KCNQ5: variants seen among roughly 807,000 people sequenced by gnomAD.
KCNQ5 encodes the protein potassium voltage-gated channel subfamily KQT member 5.
KCNQ5 carries 30 observed loss-of-function variants against 98.2 expected under a neutral mutation model. That is an observed-to-expected ratio of 0.31 (90% CI 0.23 to 0.41). The LOEUF (loss-of-function observed/expected upper bound fraction) is 0.41, where lower values mean the gene tolerates loss of function less well. KCNQ5 is among the 10% of genes least tolerant of loss of function. The pLI is 1.00. For missense variants in KCNQ5, 835 were observed against 1,182.5 expected (o/e 0.71, Z 4.31); for synonymous variants, 458 against 449.4 (o/e 1.02, Z -0.24).
intron 1 of KCNQ5, among the ~76,000 whole-genome samples, chr6:72,875,698 A>T (rs1162755545): frequency 1.3e-5 from 2 of 152,090 alleles, no homozygotes; most frequent in Non-Finnish European, 2.9e-5. Flanking sequence ...CACTATTTCT[A>T]TTGGTCCCTT....
At chr6:72,856,703 TA>T in intron 1 of KCNQ5, among the ~76,000 whole-genome samples, 1 of 152,338 alleles carries the variant, frequency 6.6e-6, no homozygotes, top group East Asian at 1.9e-4. Flanking sequence ...AATAATTCTT[TA>T]AAAAATTATC....
chr6:72,630,444 AT>A (rs1366445964), intron 1 of KCNQ5: 2 of 152,186 alleles, frequency 1.3e-5, no homozygotes, highest in African/African-American at 2.4e-5. Context: ...TTAGTTTAAC[AT>A]TTGCTTAACA....
intron 1 of KCNQ5, among the ~76,000 whole-genome samples, chr6:72,713,511 T>G (rs1259141936): frequency 6.6e-6 from 1 of 152,196 alleles, no homozygotes; most frequent in Non-Finnish European, 1.5e-5. Flanking sequence ...TAGAATGATT[T>G]GCGTTTTCCC....
intron 11 of KCNQ5, among the ~76,000 whole-genome samples, chr6:73,178,704 G>T (rs1439998991): frequency 6.6e-6 from 1 of 152,080 alleles, no homozygotes; most frequent in East Asian, 1.9e-4. Flanking sequence ...GACTCCTGGG[G>T]TTCCTTGGTC....
chr6:73,073,602 A>T (rs900779250), intron 3 of KCNQ5, among the ~76,000 whole-genome samples: 1 of 152,230 alleles, frequency 6.6e-6, no homozygotes, highest in Admixed American at 6.5e-5. Flanking sequence ...TAGGGACTTG[A>T]TCAATAATTG....
intron 1 of KCNQ5, among the ~76,000 whole-genome samples, chr6:72,700,793 C>A (rs1031720882): frequency 6.6e-6 from 1 of 152,202 alleles, no homozygotes; most frequent in Non-Finnish European, 1.5e-5. Flanking sequence ...ACAGCCTCTT[C>A]CATTCCATCC....
intron 5 of KCNQ5, among the ~76,000 whole-genome samples, chr6:73,080,619 A>G (rs1215336251): frequency 6.6e-6 from 1 of 152,208 alleles, no homozygotes. Context: ...CTTAGTTAAA[A>G]TTGCGCATGT....
chr6:72,837,902 C>T (rs1238284136), intron 1 of KCNQ5, among the ~76,000 whole-genome samples: 2 of 151,758 alleles, frequency 1.3e-5, no homozygotes, highest in East Asian at 1.9e-4. Context: ...AAATAGAAAC[C>T]TGATAGTATA....
intron 10 of KCNQ5, chr6:73,157,749 A>G: frequency 1.3e-6 from 1 of 778,304 alleles, no homozygotes; most frequent in South Asian, 1.3e-5. Context: ...CGATGAAGTA[A>G]GTGTGCTCCT....
chr6:73,157,268 C>A (rs1777399090), intron 10 of KCNQ5, among the ~76,000 whole-genome samples: 1 of 152,154 alleles, frequency 6.6e-6, no homozygotes, highest in Admixed American at 6.5e-5. Flanking sequence ...AGCGCCTCAG[C>A]GAGAAGGTCC....
At chr6:72,928,068 T>C (rs904709438) in intron 1 of KCNQ5, among the ~76,000 whole-genome samples, 2 of 152,080 alleles carry the variant, frequency 1.3e-5, no homozygotes, top group East Asian at 3.9e-4. Flanking sequence ...TGAGAACTCT[T>C]TAAGCAACAA....
chr6:73,165,061 G>T (rs565563857), intron 10 of KCNQ5, among the ~76,000 whole-genome samples: 1 of 151,874 alleles, frequency 6.6e-6, no homozygotes, highest in Non-Finnish European at 1.5e-5. Context: ...TAACTGTACC[G>T]TTGAACTCCT....
At chr6:72,745,560 T>A (rs538772055) in intron 1 of KCNQ5, among the ~76,000 whole-genome samples, 19 of 152,186 alleles carry the variant, frequency 1.2e-4, no homozygotes, top group Non-Finnish European at 2.4e-4. Context: ...TCAAACTCAG[T>A]TTATATTTTT....
At chr6:72,800,414 G>A (rs1378410030) in intron 1 of KCNQ5, among the ~76,000 whole-genome samples, 1 of 152,204 alleles carries the variant, frequency 6.6e-6, no homozygotes, top group Non-Finnish European at 1.5e-5. Context: ...TATTTGCGTA[G>A]AGGTGTTTGT....
Position 73,195,047 on chromosome 6 carries a change from G to T in KCNQ5, c.2432G>T (p.Gly811Val). ...DRSMRKSFDM[G>V]GETLLSVCPM... ...TCTATGAGGAAAAGCTTTGACATGG[G>T]AGGAGAAACTCTGTTGTCTGTCTGT... The change falls in exon 14 of 14, where the codon GGA becomes GTA. Residue 811 changes from glycine (G) to valine (V), a missense_variant. This residue lies in a region of KCNQ5 where 416 missense variants were observed against 446.9 expected (regional missense o/e 0.93). Coordinates refer to ENST00000370398, the MANE Select transcript of KCNQ5 (RefSeq NM_019842.4). 1.2e-6 allele frequency: 2 copies of T among 1,614,170 alleles called. No homozygotes were observed. The highest frequency in any genetic ancestry group is 1.1e-5 in the South Asian group (1 of 91,076).
chr6:73,008,172 A>G (rs938030469), intron 2 of KCNQ5, among the ~76,000 whole-genome samples: 4 of 152,184 alleles, frequency 2.6e-5, no homozygotes, highest in Admixed American at 6.5e-5. Context: ...CTAAACACAA[A>G]AGAAGGTAGC....
At chr6:72,892,003 T>C (rs1377379166) in intron 1 of KCNQ5, among the ~76,000 whole-genome samples, 1 of 152,152 alleles carries the variant, frequency 6.6e-6, no homozygotes, top group African/African-American at 2.4e-5. Context: ...ATTTTTACTG[T>C]GTGTAATGGT....
intron 7 of KCNQ5, 118 bp from the exon 8 acceptor site, chr6:73,120,365 C>A: frequency 1.6e-6 from 1 of 626,064 alleles, no homozygotes; most frequent in Non-Finnish European, 2.6e-6. Context: ...TTTATCAGGG[C>A]TAAGTATAAG....
At chr6:72,854,942 T>C (rs892067587) in intron 1 of KCNQ5, among the ~76,000 whole-genome samples, 2 of 152,010 alleles carry the variant, frequency 1.3e-5, no homozygotes, top group Non-Finnish European at 2.9e-5. Context: ...AAATGGCTCT[T>C]GATATTGACA....
Sources: gnomAD v4.1 joint callset for allele counts (sites outside exome capture counted in the v4.1 genomes callset) on GRCh38, gnomAD v4.1.1 for gene constraint, gnomAD v4.1.1 regional missense constraint, MANE v1.5 for transcripts, NCBI Gene and HGNC (gene_info 2026-07-23, HGNC 2026-07-21) for gene names.